The following SLC16A7 variants were observed in gnomAD, a reference collection of about 807,000 sequenced individuals.
SLC16A7 encodes the protein solute carrier family 16 member 7.
In SLC16A7, 33 loss-of-function variants were observed where a neutral mutation model predicts 34.9. That is an observed-to-expected ratio of 0.94 (90% CI 0.72 to 1.26). The LOEUF is 1.26. SLC16A7 is among the 50% of genes most tolerant of loss of function. The probability of loss-of-function intolerance (pLI) is 0.00; values close to 1 mark genes in which losing one functional copy is unlikely to be tolerated. For synonymous variants in SLC16A7, 201 were observed against 206.6 expected, an observed-to-expected ratio of 0.97 and a Z score of 0.23; for missense variants, 573 against 578.1, an observed-to-expected ratio of 0.99 and a Z score of 0.09.
At chr12:59,767,762 G>A (rs1881814500) in intron 3 of SLC16A7, among the ~76,000 whole-genome samples, 1 of 152,026 alleles carries the variant, frequency 6.6e-6, no homozygotes, top group Non-Finnish European at 1.5e-5. Context: ...TTGTTTTCAT[G>A]CCTGCTAATA....
At chr12:59,629,173 A>C (rs766382398) in intron 1 of SLC16A7, among the ~76,000 whole-genome samples, 5 of 151,804 alleles carry the variant, frequency 3.3e-5, no homozygotes, top group African/African-American at 4.8e-5. Context: ...CCCTCTCATC[A>C]CAACCTCATC....
intron 5 of SLC16A7, 64 bp from the exon 6 acceptor site, chr12:59,779,359 T>C: frequency 8.1e-7 from 1 of 1,237,140 alleles, no homozygotes. Context: ...ATAATTTATT[T>C]GAATTTTTAT....
At chr12:59,671,153 C>T (rs191656090) in intron 2 of SLC16A7, among the ~76,000 whole-genome samples, 1 of 152,240 alleles carries the variant, frequency 6.6e-6, no homozygotes, top group Non-Finnish European at 1.5e-5. Flanking sequence ...TGGTTTATTA[C>T]ATATGTATGC....
At chr12:59,698,203 T>C (rs923368934) in intron 2 of SLC16A7, among the ~76,000 whole-genome samples, 1 of 151,786 alleles carries the variant, frequency 6.6e-6, no homozygotes, top group Non-Finnish European at 1.5e-5. Flanking sequence ...TCCTGAATTT[T>C]TATGAAATAA....
At chr12:59,689,552 T>C (rs1871403496) in intron 2 of SLC16A7, 1 of 152,070 alleles carries the variant, frequency 6.6e-6, no homozygotes, top group African/African-American at 2.4e-5. Flanking sequence ...GATTCTAACA[T>C]CTTTCTGAAT....
At position 59,775,241 on chromosome 12, in the gene SLC16A7, T is replaced by C; in HGVS notation, c.946T>C (p.Phe316Leu). The C allele has an allele frequency of 6.2e-7, 1 of 1,614,146 alleles. No homozygotes were observed. The highest frequency in any genetic ancestry group is 8.5e-7 in the Non-Finnish European group (1 of 1,179,984). Residue 316 changes from phenylalanine (F) to leucine (L), a missense_variant, in exon 5 of 6, where the codon TTC (phenylalanine) becomes CTC (leucine). Phe to Leu is a conservative substitution (Grantham distance 22). Transcript: ENST00000547379. ...SKYIRPRIQYFFSFAIMFNGV... is the reference protein window; with the variant it reads ...SKYIRPRIQYLFSFAIMFNGV... ...ATATATTCGACCTCGAATTCAGTAC[T>C]TCTTCAGTTTTGCAATCATGTTCAA...
At chr12:59,778,147 A>C (rs1325018417) in intron 5 of SLC16A7, among the ~76,000 whole-genome samples, 1 of 152,148 alleles carries the variant, frequency 6.6e-6, no homozygotes, top group Non-Finnish European at 1.5e-5. Context: ...CTGATGTGGC[A>C]GCCCAAAGTG....
At chr12:59,647,181 G>T (rs939170185) in intron 1 of SLC16A7, among the ~76,000 whole-genome samples, 1 of 152,076 alleles carries the variant, frequency 6.6e-6, no homozygotes, top group Non-Finnish European at 1.5e-5. Flanking sequence ...GGAGGGGCTG[G>T]GGGTGGAATG....
At chr12:59,687,290 G>A (rs997453724) in intron 2 of SLC16A7, among the ~76,000 whole-genome samples, 1 of 151,862 alleles carries the variant, frequency 6.6e-6, no homozygotes, top group African/African-American at 2.4e-5. Flanking sequence ...TTTTGTCCCT[G>A]CTATCCTGCT....
At position 59,614,083 on chromosome 12, in the gene SLC16A7, C is replaced by T. The variant is rs192289684; in HGVS notation, c.-130+17847C>T. Among the ~76,000 whole-genome samples the T allele has an allele frequency of 2.0e-3, 298 of 148,606 alleles. 1 individual carries two copies. Among genetic ancestry groups the T allele is most frequent in the Middle Eastern group, 6.9e-3 (2 of 290 alleles). On this transcript the variant is annotated intron_variant, in intron 1 of 5. Transcript: ENST00000547379. Reference sequence around the variant, plus strand: ...TTTTTTTTTTTTTGACAGAGTCTCACTCTGTCACCCAAGCTGGAGTGCAGT... The same window carrying T: ...TTTTTTTTTTTTTGACAGAGTCTCATTCTGTCACCCAAGCTGGAGTGCAGT...
chr12:59,741,071 G>A (rs1358817280), intron 3 of SLC16A7, among the ~76,000 whole-genome samples: 1 of 152,042 alleles, frequency 6.6e-6, no homozygotes, highest in Non-Finnish European at 1.5e-5. Flanking sequence ...AGGATACAAA[G>A]AAATGGAAGA....
At chr12:59,779,101 G>A (rs529816714) in intron 5 of SLC16A7, among the ~76,000 whole-genome samples, 3 of 152,060 alleles carry the variant, frequency 2.0e-5, no homozygotes, top group African/African-American at 7.2e-5. Context: ...ATATTCACAT[G>A]TATAGATATA....
At chr12:59,620,076 C>CA (rs1388338121) in intron 1 of SLC16A7, among the ~76,000 whole-genome samples, 1 of 151,820 alleles carries the variant, frequency 6.6e-6, no homozygotes, top group Non-Finnish European at 1.5e-5. Context: ...CTTATAGAGA[C>CA]AGAGAGGGCA....
Position 59,779,564 on chromosome 12 carries a change from CA to C in SLC16A7, c.1324del (p.Arg442GlyfsTer10). ...LLAKERKEEN[A>X]RQKTRESEPL... ...GCAAAGGAAAGGAAGGAGGAAAATG[CA>C]AGGCAGAAGACCAGAGAATCTGAAC... is the stretch of plus-strand genomic sequence containing the variant. On this transcript the variant is annotated frameshift_variant, in exon 6 of 6. Coordinates refer to ENST00000547379, the MANE Select transcript of SLC16A7 (RefSeq NM_001270623.2). LOFTEE classifies it high-confidence loss of function. The C allele has an allele frequency of 6.2e-7, 1 of 1,612,618 alleles. No individual in the cohort carries two copies. Among genetic ancestry groups the C allele is most frequent in the South Asian group, 1.1e-5 (1 of 91,026 alleles).
chr12:59,719,910 G>C, intron 3 of SLC16A7: 1 of 523,102 alleles, frequency 1.9e-6, no homozygotes, highest in East Asian at 3.3e-5. Context: ...TGGAAAGTTG[G>C]CATTTATCAG....
At chr12:59,766,350 A>T (rs1345998100) in intron 3 of SLC16A7, among the ~76,000 whole-genome samples, 1 of 152,190 alleles carries the variant, frequency 6.6e-6, no homozygotes, top group Admixed American at 6.5e-5. Flanking sequence ...TGCCCTGGCC[A>T]GAACTTCCAA....
intron 1 of SLC16A7, among the ~76,000 whole-genome samples, chr12:59,628,652 G>GCA (rs1565623821): frequency 1.3e-4 from 20 of 151,716 alleles, no homozygotes; most frequent in African/African-American, 4.8e-4. Flanking sequence ...GTGTGTGTAA[G>GCA]TGTGCGTGTG....
intron 1 of SLC16A7, among the ~76,000 whole-genome samples, chr12:59,627,182 C>G (rs969108051): frequency 2.6e-5 from 4 of 151,642 alleles, no homozygotes; most frequent in African/African-American, 9.7e-5. Context: ...ACCTGGAACC[C>G]AAGAGAGTTT....
intron 1 of SLC16A7, among the ~76,000 whole-genome samples, chr12:59,638,236 A>C (rs924058378): frequency 7.2e-5 from 11 of 152,226 alleles, no homozygotes; most frequent in Admixed American, 7.2e-4. Context: ...TTTGTGTAGC[A>C]TTCTTTTCTC....
Sources: gnomAD v4.1 joint callset for allele counts (sites outside exome capture counted in the v4.1 genomes callset) on GRCh38, gnomAD v4.1.1 for gene constraint, MANE v1.5 for transcripts, NCBI Gene and HGNC (gene_info 2026-07-23, HGNC 2026-07-21) for gene names.